The following SNTG1 variants were observed in gnomAD, a reference collection of about 807,000 sequenced individuals.
SNTG1 encodes the protein syntrophin gamma 1.
SNTG1 carries 39 observed loss-of-function variants against 74.7 expected under a neutral mutation model. The observed-to-expected ratio is 0.52, with a 90% CI of 0.40 to 0.68. The LOEUF is 0.68. SNTG1 is among the 30% of genes least tolerant of loss of function. The pLI is 0.00. For missense variants in SNTG1, 685 were observed against 609.5 expected (o/e 1.12, Z -1.30); for synonymous variants, 254 against 217.1 (o/e 1.17, Z -1.49).
chr8:50,278,486 T>C (rs2088243393), intron 2 of SNTG1, among the ~76,000 whole-genome samples: 1 of 152,198 alleles, frequency 6.6e-6, no homozygotes, highest in Non-Finnish European at 1.5e-5. Flanking sequence ...ATTGAATTTA[T>C]TGTGAATCAT....
chr8:50,094,783 G>C (rs1433704240), intron 1 of SNTG1, among the ~76,000 whole-genome samples: 1 of 152,104 alleles, frequency 6.6e-6, no homozygotes, highest in African/African-American at 2.4e-5. Context: ...AACTGCTATT[G>C]GACCCAGCAA....
chr8:50,175,048 T>C (rs1288561076), intron 2 of SNTG1, among the ~76,000 whole-genome samples: 2 of 152,138 alleles, frequency 1.3e-5, no homozygotes, highest in South Asian at 2.1e-4. Flanking sequence ...GAACTCATCA[T>C]TTTTTATGGC....
intron 8 of SNTG1, among the ~76,000 whole-genome samples, chr8:50,487,389 G>A (rs1011136479): frequency 6.6e-6 from 1 of 152,226 alleles, no homozygotes; most frequent in South Asian, 2.1e-4. Flanking sequence ...ACATGCACAC[G>A]TTTATTTATT....
At chr8:50,445,034 T>C (rs572535055) in intron 5 of SNTG1, among the ~76,000 whole-genome samples, 2 of 152,350 alleles carry the variant, frequency 1.3e-5, no homozygotes, top group East Asian at 1.9e-4. Flanking sequence ...AAATCTCATA[T>C]TTATTCATCA....
chr8:50,104,890 T>G (rs944594707), intron 1 of SNTG1, among the ~76,000 whole-genome samples: 1 of 152,106 alleles, frequency 6.6e-6, no homozygotes, highest in African/African-American at 2.4e-5. Flanking sequence ...GGGTTGTTTG[T>G]TTTTCACTTG....
intron 11 of SNTG1, among the ~76,000 whole-genome samples, chr8:50,540,301 T>G (rs1033782056): frequency 6.6e-6 from 1 of 152,218 alleles, no homozygotes; most frequent in African/African-American, 2.4e-5. Flanking sequence ...TCACAAAATT[T>G]CAAAATATTT....
At chr8:50,192,619 G>C (rs949803588) in intron 2 of SNTG1, among the ~76,000 whole-genome samples, 2 of 151,746 alleles carry the variant, frequency 1.3e-5, no homozygotes, top group Admixed American at 1.3e-4. Context: ...TTATTCTGCT[G>C]ACATTCCTTT....
intron 2 of SNTG1, among the ~76,000 whole-genome samples, chr8:50,338,103 C>G (rs2091208509): frequency 6.6e-6 from 1 of 150,808 alleles, no homozygotes; most frequent in African/African-American, 2.4e-5. Context: ...GCCTGCACTC[C>G]AGACTGGGCG....
chr8:50,785,269 T>A (rs1264594877), intron 18 of SNTG1, among the ~76,000 whole-genome samples: 1 of 151,666 alleles, frequency 6.6e-6, no homozygotes, highest in East Asian at 1.9e-4. Flanking sequence ...TTTAAAAAGG[T>A]TAACAAGAGT....
At chr8:49,923,822 G>T (rs1165284712) in intron 1 of SNTG1, among the ~76,000 whole-genome samples, 1 of 152,144 alleles carries the variant, frequency 6.6e-6, no homozygotes, top group Non-Finnish European at 1.5e-5. Context: ...TGAACAAGGA[G>T]ATCATTTATA....
chr8:50,371,884 T>C (rs773160029), intron 2 of SNTG1, among the ~76,000 whole-genome samples: 175 of 152,140 alleles, frequency 1.2e-3, no homozygotes, highest in Admixed American at 2.2e-3. Context: ...TTGTCTAGAG[T>C]ATCTTTTCCT....
In SNTG1 at chr8:49,944,729, T is replaced by TA. The variant is rs201494454; in HGVS notation, c.-103+32506dup. 4.9e-5 allele frequency among the ~76,000 whole-genome samples: 7 copies of TA among 142,704 alleles called. No homozygotes were observed. In the South Asian group the frequency reaches 6.6e-4, roughly 14 times the overall value. The allele number at this position is 142,704 out of a possible 152,430, so 93.6% of individuals were successfully genotyped here. ...TGTACCCTAAAACAAAGTATAATAA[T>TA]AAAAAAAATCCATGTAACGTCTACT... On this transcript the variant is annotated intron_variant, in intron 1 of 18. Transcript: ENST00000642720.
chr8:50,152,068 G>T (rs1010096995), intron 1 of SNTG1, among the ~76,000 whole-genome samples: 1 of 152,042 alleles, frequency 6.6e-6, no homozygotes, highest in African/African-American at 2.4e-5. Context: ...GGTCTCTAAG[G>T]ACTTGCTTTA....
chr8:50,545,869 G>A (rs1228129241), intron 11 of SNTG1, among the ~76,000 whole-genome samples: 2 of 152,076 alleles, frequency 1.3e-5, no homozygotes, highest in Non-Finnish European at 2.9e-5. Flanking sequence ...TGAGAATTGT[G>A]CTTTTAACAA....
rs1039870107 is a variant in SNTG1, at chr8:50,462,406, TG to T, written c.363+11678del. Among the ~76,000 whole-genome samples the T allele has an allele frequency of 9.9e-5, 15 of 151,698 alleles. 1 individual carries two copies. The highest frequency in any genetic ancestry group is 3.1e-4 in the African/African-American group (13 of 41,510). On this transcript the variant is annotated intron_variant, in intron 8 of 18. Transcript: ENST00000642720. ...TTTGCTGGGATAGAGTTTGCCTCAA[TG>T]TTGATGACTACTGACTGATTAGAGT...
At chr8:50,326,366 T>C (rs2090749027) in intron 2 of SNTG1, among the ~76,000 whole-genome samples, 1 of 152,068 alleles carries the variant, frequency 6.6e-6, no homozygotes, top group African/African-American at 2.4e-5. Context: ...CAATTTCTTT[T>C]ATAGATATAG....
At chr8:50,290,367 C>T (rs1487048648) in intron 2 of SNTG1, among the ~76,000 whole-genome samples, 1 of 152,154 alleles carries the variant, frequency 6.6e-6, no homozygotes, top group African/African-American at 2.4e-5. Context: ...CCTAAAGGTC[C>T]TTGAAAGAGG....
chr8:50,275,640 T>C (rs1417283900), intron 2 of SNTG1, among the ~76,000 whole-genome samples: 1 of 152,166 alleles, frequency 6.6e-6, no homozygotes, highest in African/African-American at 2.4e-5. Flanking sequence ...GTAGAACCCA[T>C]GAATTTGTGG....
chr8:50,342,504 T>C (rs1265731649), intron 2 of SNTG1, among the ~76,000 whole-genome samples: 1 of 152,142 alleles, frequency 6.6e-6, no homozygotes, highest in African/African-American at 2.4e-5. Flanking sequence ...TAAAAAAATG[T>C]TTTGCTAAGT....
Sources: gnomAD v4.1 joint callset for allele counts (sites outside exome capture counted in the v4.1 genomes callset) on GRCh38, gnomAD v4.1.1 for gene constraint, MANE v1.5 for transcripts, NCBI Gene and HGNC (gene_info 2026-07-23, HGNC 2026-07-21) for gene names.